Variants in SCAI observed in about 807,000 individuals in gnomAD.
SCAI encodes the protein protein SCAI.
In SCAI, 24 loss-of-function variants were observed where a neutral mutation model predicts 92.2. The observed-to-expected ratio is 0.26, with a 90% CI of 0.19 to 0.37. SCAI has a LOEUF of 0.37. Among genes scored for constraint, SCAI ranks in the 10% least tolerant of loss-of-function variants. The probability of loss-of-function intolerance (pLI) is 1.00; values close to 1 mark genes in which losing one functional copy is unlikely to be tolerated. For synonymous variants in SCAI, 261 were observed against 258.6 expected, an observed-to-expected ratio of 1.01 and a Z score of -0.09; for missense variants, 450 against 736.2, an observed-to-expected ratio of 0.61 and a Z score of 4.50.
chr9:125,109,688 T>TCTAC (rs767993920), intron 2 of SCAI, among the ~76,000 whole-genome samples: 1 of 151,544 alleles, frequency 6.6e-6, no homozygotes, highest in African/African-American at 2.4e-5. Context: ...TATCTATCTA[T>TCTAC]CTATGTATTT....
At chr9:125,089,210 G>C (rs1164418025) in intron 2 of SCAI, among the ~76,000 whole-genome samples, 2 of 152,122 alleles carry the variant, frequency 1.3e-5, no homozygotes, top group Admixed American at 1.3e-4. Flanking sequence ...ACTACCTCAA[G>C]TAGATAAACC....
At chr9:125,084,218 C>T (rs1288171687) in intron 2 of SCAI, among the ~76,000 whole-genome samples, 5 of 127,272 alleles carry the variant, frequency 3.9e-5, no homozygotes, top group African/African-American at 1.6e-4. Flanking sequence ...TTGCCCAGGC[C>T]GGAGTGCAGT....
intron 13 of SCAI, among the ~76,000 whole-genome samples, chr9:124,999,556 A>C (rs1365897042): frequency 6.6e-6 from 1 of 152,116 alleles, no homozygotes; most frequent in African/African-American, 2.4e-5. Context: ...GTTCGTATTG[A>C]TGTTACATGT....
At chr9:124,988,931 A>G (rs942476252) in intron 14 of SCAI, among the ~76,000 whole-genome samples, 1 of 152,058 alleles carries the variant, frequency 6.6e-6, no homozygotes, top group African/African-American at 2.4e-5. Context: ...CGAGGTCAGG[A>G]GTTCGAGAAC....
intron 13 of SCAI, 70 bp from the exon 14 acceptor site, chr9:124,995,085 G>A: frequency 1.4e-5 from 17 of 1,177,964 alleles, no homozygotes; most frequent in Non-Finnish European, 2.1e-5. Flanking sequence ...TCTTCAGTTT[G>A]GTCTGCTCAT....
chr9:125,042,557 C>T (rs1382096239), intron 3 of SCAI, among the ~76,000 whole-genome samples: 1 of 150,382 alleles, frequency 6.6e-6, no homozygotes, highest in Non-Finnish European at 1.5e-5. Context: ...CTTACAATCT[C>T]TTCCATTAAC....
intron 17 of SCAI, among the ~76,000 whole-genome samples, chr9:124,953,689 AGG>A (rs1163330532): frequency 6.6e-6 from 1 of 151,998 alleles, no homozygotes; most frequent in African/African-American, 2.4e-5. Context: ...TTGGGATTAC[AGG>A]CGTGAGCCAC....
At chr9:124,979,410 T>C (rs1278696722) in intron 14 of SCAI, among the ~76,000 whole-genome samples, 1 of 150,358 alleles carries the variant, frequency 6.7e-6, no homozygotes, top group African/African-American at 2.4e-5. Context: ...CATGGTGGCG[T>C]GTGCTTGTAA....
intron 14 of SCAI, among the ~76,000 whole-genome samples, chr9:124,983,937 A>C (rs1831937745): frequency 6.6e-6 from 1 of 152,200 alleles, no homozygotes; most frequent in African/African-American, 2.4e-5. Flanking sequence ...GTTGTGCAGG[A>C]ATTAAACGTA....
intron 17 of SCAI, among the ~76,000 whole-genome samples, chr9:124,961,437 G>GC (rs1042661881): frequency 1.3e-5 from 2 of 151,782 alleles, no homozygotes; most frequent in African/African-American, 4.8e-5. Context: ...ATCACCTGAG[G>GC]CCAGGAGTTC....
intron 3 of SCAI, among the ~76,000 whole-genome samples, chr9:125,032,189 A>ATTTT (rs1440287800): frequency 1.2e-5 from 1 of 81,306 alleles, no homozygotes; most frequent in African/African-American, 5.9e-5. Flanking sequence ...ATATATATAT[A>ATTTT]TATATATTTT....
At chr9:125,061,312 C>T (rs1373956444) in intron 2 of SCAI, among the ~76,000 whole-genome samples, 1 of 152,096 alleles carries the variant, frequency 6.6e-6, no homozygotes, top group African/African-American at 2.4e-5. Flanking sequence ...AAAAAAAGTC[C>T]TTAAGGGCTA....
chr9:125,060,915 T>G (rs1401156237), intron 2 of SCAI, among the ~76,000 whole-genome samples: 2 of 152,184 alleles, frequency 1.3e-5, no homozygotes, highest in African/African-American at 4.8e-5. Flanking sequence ...ATTCAAGTAT[T>G]TCATAAATAT....
chr9:124,983,282 A>G (rs564099276), intron 14 of SCAI, among the ~76,000 whole-genome samples: 83 of 152,326 alleles, frequency 5.4e-4, no homozygotes, highest in African/African-American at 1.8e-3. Flanking sequence ...TACAGGTGCT[A>G]GAGATACAAC....
At chr9:124,972,866 A>G (rs1014859114) in intron 15 of SCAI, among the ~76,000 whole-genome samples, 4 of 152,138 alleles carry the variant, frequency 2.6e-5, no homozygotes, top group Admixed American at 6.5e-5. Context: ...TGCTATCTCC[A>G]GCCATCTCCC....
At position 124,947,110 on chromosome 9, in the gene SCAI, C is replaced by G. The variant is rs183689532; in HGVS notation, c.*5697G>C. 1.3e-5 allele frequency: 2 copies of G among 152,236 alleles called. No individual in the cohort carries two copies. Among genetic ancestry groups the G allele is most frequent in the East Asian group, 3.9e-4 (2 of 5,186 alleles). 9.4% of individuals were successfully genotyped at this position (152,236 alleles called of 1,614,324 possible). A position where few individuals can be genotyped will look rare whatever the true frequency, so the allele number is the denominator to read the frequency against. On this transcript the variant is annotated 3_prime_UTR_variant, in exon 18 of 18. Transcript: ENST00000336505. Reference sequence around the variant, plus strand: ...TCCAAAATCAAAATTCAGTATGAGGCATAAAAATGACAACTGGGAATATAT... The same window carrying G: ...TCCAAAATCAAAATTCAGTATGAGGGATAAAAATGACAACTGGGAATATAT...
At chr9:125,021,912 T>C (rs543212023) in intron 6 of SCAI, among the ~76,000 whole-genome samples, 3 of 152,232 alleles carry the variant, frequency 2.0e-5, no homozygotes, top group Admixed American at 6.5e-5. Flanking sequence ...TAAATTATGT[T>C]TTATTTTTGT....
chr9:124,995,730 A>T (rs1588139851), intron 13 of SCAI, among the ~76,000 whole-genome samples: 1 of 152,110 alleles, frequency 6.6e-6, no homozygotes, highest in African/African-American at 2.4e-5. Flanking sequence ...AGCTCAAGCA[A>T]TCTGCCCACC....
At chr9:125,066,464 AT>A (rs754196569) in intron 2 of SCAI, among the ~76,000 whole-genome samples, 1 of 138,226 alleles carries the variant, frequency 7.2e-6, no homozygotes, top group African/African-American at 2.5e-5. Flanking sequence ...TTATTTATTT[AT>A]TTTTTTTTGA....
Sources: gnomAD v4.1 joint callset for allele counts (sites outside exome capture counted in the v4.1 genomes callset) on GRCh38, gnomAD v4.1.1 for gene constraint, MANE v1.5 for transcripts, NCBI Gene and HGNC (gene_info 2026-07-23, HGNC 2026-07-21) for gene names.